The following RNF13 variants were observed in gnomAD, a reference collection of about 807,000 sequenced individuals.
RNF13 encodes the protein E3 ubiquitin-protein ligase RNF13.
A neutral mutation model predicts 37.7 loss-of-function variants in RNF13; 19 were observed. The observed-to-expected ratio is 0.50, with a 90% CI of 0.35 to 0.74. The LOEUF (loss-of-function observed/expected upper bound fraction) is 0.74, where lower values mean the gene tolerates loss of function less well. Among genes scored for constraint, RNF13 ranks in the 30% least tolerant of loss-of-function variants. The pLI is 0.01. For missense variants in RNF13, 375 were observed against 453.0 expected, an observed-to-expected ratio of 0.83 and a Z score of 1.56; for synonymous variants, 144 against 157.8, an observed-to-expected ratio of 0.91 and a Z score of 0.65.
At chr3:149,960,463 C>T (rs890858431) in intron 9 of RNF13, among the ~76,000 whole-genome samples, 17 of 151,706 alleles carry the variant, frequency 1.1e-4, no homozygotes, top group Admixed American at 2.0e-4. Flanking sequence ...TGGTGGCGGG[C>T]GCCTGTAGTC....
intron 1 of RNF13, among the ~76,000 whole-genome samples, chr3:149,816,064 A>ATTTTT (rs36004917): frequency 1.4e-5 from 2 of 142,260 alleles, no homozygotes; most frequent in African/African-American, 2.6e-5. Context: ...GGCTAATTAA[A>ATTTTT]TTTTTTTTTT....
At chr3:149,823,134 C>A (rs531433997) in intron 1 of RNF13, among the ~76,000 whole-genome samples, 2 of 152,160 alleles carry the variant, frequency 1.3e-5, no homozygotes, top group East Asian at 3.9e-4. Flanking sequence ...GGGCAAGTAA[C>A]TGAACACTTA....
At chr3:149,942,059 A>G (rs1720338552) in intron 8 of RNF13, among the ~76,000 whole-genome samples, 1 of 151,958 alleles carries the variant, frequency 6.6e-6, no homozygotes, top group Admixed American at 6.6e-5. Flanking sequence ...ATTCTGTTCC[A>G]TTGGTGTATA....
chr3:149,892,540 C>T (rs1714822027), intron 4 of RNF13, among the ~76,000 whole-genome samples: 2 of 152,136 alleles, frequency 1.3e-5, no homozygotes, highest in African/African-American at 4.8e-5. Flanking sequence ...GCCGTGGTCC[C>T]GTACCTGTTA....
At chr3:149,941,378 A>G (rs958240549) in intron 8 of RNF13, among the ~76,000 whole-genome samples, 1 of 152,096 alleles carries the variant, frequency 6.6e-6, no homozygotes, top group African/African-American at 2.4e-5. Flanking sequence ...GTTAGTGGCC[A>G]TTCTAGTGAG....
intron 5 of RNF13, among the ~76,000 whole-genome samples, chr3:149,897,216 G>A (rs1715360208): frequency 6.6e-6 from 1 of 152,154 alleles, no homozygotes. Context: ...AATCCTACTT[G>A]TATCAGTTGT....
chr3:149,832,197 T>A (rs1721126084), intron 1 of RNF13, among the ~76,000 whole-genome samples: 1 of 152,156 alleles, frequency 6.6e-6, no homozygotes, highest in Admixed American at 6.5e-5. Flanking sequence ...AATATTTTGG[T>A]CCAGTTCTTG....
chr3:149,954,207 A>G (rs1164251455), intron 8 of RNF13, among the ~76,000 whole-genome samples: 1 of 152,150 alleles, frequency 6.6e-6, no homozygotes, highest in Non-Finnish European at 1.5e-5. Context: ...TAGAAAAAAA[A>G]AAACCTTTGG....
intron 5 of RNF13, among the ~76,000 whole-genome samples, chr3:149,897,447 G>A (rs1453050435): frequency 1.3e-5 from 2 of 152,050 alleles, no homozygotes; most frequent in Non-Finnish European, 2.9e-5. Context: ...TTGTAATACT[G>A]TAAAACCTTT....
At chr3:149,922,703 C>G (rs556516800) in intron 8 of RNF13, among the ~76,000 whole-genome samples, 1 of 152,248 alleles carries the variant, frequency 6.6e-6, no homozygotes, top group East Asian at 1.9e-4. Context: ...CTTCTATGAA[C>G]TGTATACTCT....
chr3:149,915,187 T>C (rs1717377713), intron 7 of RNF13, among the ~76,000 whole-genome samples: 1 of 152,220 alleles, frequency 6.6e-6, no homozygotes, highest in African/African-American at 2.4e-5. Context: ...TTGTAAATTT[T>C]GAAATTCCTT....
intron 1 of RNF13, among the ~76,000 whole-genome samples, chr3:149,824,216 A>G (rs1237516756): frequency 6.6e-6 from 1 of 152,256 alleles, no homozygotes; most frequent in Non-Finnish European, 1.5e-5. Context: ...GAATGTTGCC[A>G]AGAAATGTGA....
intron 2 of RNF13, 124 bp downstream of exon 2, chr3:149,846,264 C>A: frequency 3.4e-6 from 2 of 595,114 alleles, no homozygotes; most frequent in Non-Finnish European, 5.9e-6. Context: ...TACCCCAACA[C>A]ATATACACAG....
Position 149,960,964 on chromosome 3 carries a change from ACAGAATCTT to A in RNF13, c.1011_1019del (p.Glu337_Ser339del). On this transcript the variant is annotated inframe_deletion, in exon 10 of 10. Transcript: ENST00000392894. ...GGAATCCCGCTCACATCAGAACATG[ACAGAATCTT>A]CAGACTATGAGGAAGACGACAATGA... 6.2e-7 allele frequency: 1 copy of A among 1,614,236 alleles called. No homozygotes were observed. Among genetic ancestry groups the A allele is most frequent in the Non-Finnish European group, 8.5e-7 (1 of 1,180,040 alleles).
intron 6 of RNF13, 120 bp downstream of exon 6, chr3:149,902,282 C>G (rs1559939417): frequency 2.1e-6 from 1 of 481,818 alleles, no homozygotes; most frequent in East Asian, 3.7e-5. Flanking sequence ...TAAATTATCC[C>G]TTTTTAAATC....
chr3:149,839,800 G>A (rs1169006903), intron 1 of RNF13, among the ~76,000 whole-genome samples: 9 of 152,082 alleles, frequency 5.9e-5, no homozygotes, highest in Non-Finnish European at 1.0e-4. Context: ...CCATATTTCC[G>A]TTGTCTCCAT....
intron 6 of RNF13, among the ~76,000 whole-genome samples, chr3:149,911,407 C>T (rs2108517567): frequency 6.6e-6 from 1 of 152,274 alleles, no homozygotes; most frequent in Non-Finnish European, 1.5e-5. Context: ...CCTGTAATCC[C>T]AGCACTTTGG....
At chr3:149,855,799 T>C (rs1227763403) in intron 3 of RNF13, among the ~76,000 whole-genome samples, 1 of 152,070 alleles carries the variant, frequency 6.6e-6, no homozygotes, top group Non-Finnish European at 1.5e-5. Context: ...AGAATACTTA[T>C]CTCCCTATAC....
At chr3:149,900,752 T>G (rs1715743656) in intron 5 of RNF13, among the ~76,000 whole-genome samples, 1 of 152,186 alleles carries the variant, frequency 6.6e-6, no homozygotes, top group Non-Finnish European at 1.5e-5. Flanking sequence ...ATAAAAATAG[T>G]GATTAAATAT....
Sources: gnomAD v4.1 joint callset for allele counts (sites outside exome capture counted in the v4.1 genomes callset) on GRCh38, gnomAD v4.1.1 for gene constraint, MANE v1.5 for transcripts, NCBI Gene and HGNC (gene_info 2026-07-23, HGNC 2026-07-21) for gene names.